THEMIS: variants seen among roughly 807,000 people sequenced by gnomAD.
The protein encoded by THEMIS is thymocyte selection associated.
THEMIS carries 37 observed loss-of-function variants against 52.6 expected under a neutral mutation model. The ratio of observed to expected loss-of-function variants is 0.70; its 90% CI spans 0.54 to 0.93. THEMIS has a LOEUF of 0.93. Among genes scored for constraint, THEMIS ranks in the 40% least tolerant of loss-of-function variants. The probability of loss-of-function intolerance (pLI) is 0.00; values close to 1 mark genes in which losing one functional copy is unlikely to be tolerated. For synonymous variants in THEMIS, 292 were observed against 272.7 expected, an observed-to-expected ratio of 1.07 and a Z score of -0.70; for missense variants, 808 against 763.1, an observed-to-expected ratio of 1.06 and a Z score of -0.69.
intron 2 of THEMIS, among the ~76,000 whole-genome samples, chr6:127,836,839 G>C (rs1440172017): frequency 6.6e-6 from 1 of 151,980 alleles, no homozygotes; most frequent in African/African-American, 2.4e-5. Context: ...GGCCCCTGAC[G>C]GTCCTCTCTG....
chr6:127,750,372 T>C (rs1775596182), intron 4 of THEMIS, among the ~76,000 whole-genome samples: 1 of 151,732 alleles, frequency 6.6e-6, no homozygotes, highest in African/African-American at 2.4e-5. Flanking sequence ...ATGTAGACAT[T>C]ACAAGCACTG....
At position 127,855,124 on chromosome 6, in the gene THEMIS, A is replaced by G. The variant is rs1368443174; in HGVS notation, c.156T>C (p.Thr52=). 6.2e-7 allele frequency: 1 copy of G among 1,611,034 alleles called. No individual in the cohort carries two copies. ...CFSTGEVIKI[T]GLKVKKIIAE... is the part of the protein sequence containing the mutation. ...CTATGATCTTCTTAACTTTGAGACC[A>G]GTAATTTTAATCACTTCTCCTGTTG... Residue 52 remains threonine (T), a synonymous_variant, in exon 2 of 6, where the codon ACT becomes ACC. Coordinates refer to ENST00000368248, the MANE Select transcript of THEMIS (RefSeq NM_001010923.3).
intron 4 of THEMIS, among the ~76,000 whole-genome samples, chr6:127,749,963 A>G (rs1245762071): frequency 6.7e-6 from 1 of 149,130 alleles, no homozygotes; most frequent in Non-Finnish European, 1.5e-5. Flanking sequence ...GAATTAATAA[A>G]AAGTCATTCC....
intron 1 of THEMIS, among the ~76,000 whole-genome samples, chr6:127,890,842 T>C (rs1780782518): frequency 1.3e-5 from 2 of 152,084 alleles, no homozygotes; most frequent in South Asian, 4.1e-4. Flanking sequence ...TTTATAATTT[T>C]ATTATTATGT....
intron 4 of THEMIS, among the ~76,000 whole-genome samples, chr6:127,730,315 AG>A (rs1218979583): frequency 1.4e-5 from 2 of 140,214 alleles, no homozygotes; most frequent in African/African-American, 6.3e-5. Flanking sequence ...AGAAAAGAAA[AG>A]AGAAAAAAAG....
At chr6:127,869,677 A>G (rs897002064) in intron 1 of THEMIS, among the ~76,000 whole-genome samples, 1 of 152,146 alleles carries the variant, frequency 6.6e-6, no homozygotes, top group Non-Finnish European at 1.5e-5. Context: ...TCCTACCATC[A>G]TATGTTCCAG....
intron 1 of THEMIS, among the ~76,000 whole-genome samples, chr6:127,864,790 C>T (rs1301497515): frequency 6.6e-6 from 1 of 152,162 alleles, no homozygotes; most frequent in East Asian, 1.9e-4. Flanking sequence ...TATCAAAGGT[C>T]CGCATATCCA....
chr6:127,757,627 C>A (rs1032072801), intron 4 of THEMIS, among the ~76,000 whole-genome samples: 1 of 152,076 alleles, frequency 6.6e-6, no homozygotes, highest in African/African-American at 2.4e-5. Flanking sequence ...GGACTACAGG[C>A]GCCCGCCACC....
chr6:127,888,099 T>G (rs1283494551), intron 1 of THEMIS, among the ~76,000 whole-genome samples: 1 of 152,020 alleles, frequency 6.6e-6, no homozygotes, highest in Non-Finnish European at 1.5e-5. Flanking sequence ...AGATGAAAAG[T>G]GTGAACAAAG....
chr6:127,853,299 A>G (rs1431802030), intron 2 of THEMIS, among the ~76,000 whole-genome samples: 3 of 151,658 alleles, frequency 2.0e-5, no homozygotes, highest in Non-Finnish European at 4.4e-5. Context: ...TACTTAAGAG[A>G]GGCATCTTAT....
intron 1 of THEMIS, among the ~76,000 whole-genome samples, chr6:127,894,330 A>G (rs1223629369): frequency 6.6e-6 from 1 of 152,062 alleles, no homozygotes; most frequent in Non-Finnish European, 1.5e-5. Flanking sequence ...AAGACTATCA[A>G]TCTCGAACAA....
upstream of THEMIS, among the ~76,000 whole-genome samples, chr6:127,902,335 A>AAAT (rs1554248885): frequency 1.3e-5 from 2 of 150,074 alleles, no homozygotes; most frequent in Non-Finnish European, 3.0e-5. Context: ...AAAAAAAAAA[A>AAAT]AAAAAAAAAA....
At chr6:127,787,739 T>C (rs929843124) in intron 4 of THEMIS, among the ~76,000 whole-genome samples, 2 of 152,102 alleles carry the variant, frequency 1.3e-5, no homozygotes, top group Non-Finnish European at 2.9e-5. Context: ...GACATCTGTA[T>C]TATCTAAAAT....
intron 4 of THEMIS, among the ~76,000 whole-genome samples, chr6:127,728,606 A>G (rs1193384755): frequency 6.6e-6 from 1 of 152,210 alleles, no homozygotes; most frequent in Non-Finnish European, 1.5e-5. Context: ...TAATTCAGCA[A>G]GTATGCAATG....
At chr6:127,821,843 A>G (rs1778351583) in intron 3 of THEMIS, among the ~76,000 whole-genome samples, 1 of 151,990 alleles carries the variant, frequency 6.6e-6, no homozygotes, top group Non-Finnish European at 1.5e-5. Flanking sequence ...CAACTCACTA[A>G]GTGAGAACCA....
At chr6:127,915,073 T>C (rs910140486) in intron 1 of THEMIS, among the ~76,000 whole-genome samples, 2 of 152,196 alleles carry the variant, frequency 1.3e-5, no homozygotes, top group African/African-American at 4.8e-5. Flanking sequence ...CAGTTCGTCA[T>C]TGATGGATCC....
At chr6:127,749,786 G>GC (rs1389071305) in intron 4 of THEMIS, among the ~76,000 whole-genome samples, 1 of 151,446 alleles carries the variant, frequency 6.6e-6, no homozygotes, top group Admixed American at 6.6e-5. Context: ...TGGACATATA[G>GC]CTGAACTGAA....
At chr6:127,861,803 A>T in intron 1 of THEMIS, among the ~76,000 whole-genome samples, 1 of 81,936 alleles carries the variant, frequency 1.2e-5, no homozygotes, top group East Asian at 6.7e-4. Flanking sequence ...AAAAAAAAAA[A>T]AAGAAAAGAA....
At position 127,709,786 on chromosome 6, in the gene THEMIS, T is replaced by C; in HGVS notation, c.*199A>G. 2 of 524,862 alleles carry C rather than the reference T, an allele frequency of 3.8e-6. No homozygotes were observed. Among genetic ancestry groups the C allele is most frequent in the South Asian group, 5.5e-5 (2 of 36,618 alleles). The allele number at this position is 524,862 out of a possible 1,614,324, so 32.5% of individuals were successfully genotyped here. A position where few individuals can be genotyped will look rare whatever the true frequency, so the allele number is the denominator to read the frequency against. On this transcript the variant is annotated 3_prime_UTR_variant, in exon 6 of 6. Transcript: ENST00000368248. ...GCCTACAGATTTAGACACAACAGAATAGACTATATGAATTCTATATCATAG... is the reference window on the plus strand; with the variant it reads ...GCCTACAGATTTAGACACAACAGAACAGACTATATGAATTCTATATCATAG...
Sources: allele counts gnomAD v4.1 joint callset (sites outside exome capture counted in the v4.1 genomes callset), GRCh38; gene constraint gnomAD v4.1.1; transcripts MANE v1.5; gene names NCBI Gene and HGNC (gene_info 2026-07-23, HGNC 2026-07-21).